The following TENM2 variants were observed in gnomAD, a reference collection of about 807,000 sequenced individuals.
TENM2 encodes teneurin-2.
A neutral mutation model predicts 245.2 loss-of-function variants in TENM2; 52 were observed. That is an observed-to-expected ratio of 0.21 (90% confidence interval 0.17 to 0.27). The LOEUF is 0.27. Ranked by LOEUF, TENM2 falls within the 10% of genes least tolerant of loss-of-function variation. TENM2 has a pLI of 1.00. For missense variants in TENM2, 3,046 were observed against 3,666.8 expected (o/e 0.83, Z 4.37); for synonymous variants, 1,363 against 1,438.9 (o/e 0.95, Z 1.19).
chr5:168,154,161 A>AAAC (rs1030847719), intron 12 of TENM2, among the ~76,000 whole-genome samples: 5 of 149,924 alleles, frequency 3.3e-5, no homozygotes, highest in East Asian at 1.9e-4. Flanking sequence ...AAAAAAAAAA[A>AAAC]AAAAACAGTA....
exon 25 of TENM2, chr5:168,228,130 G>C (rs745711777): frequency 6.4e-7 from 1 of 1,570,972 alleles, no homozygotes; most frequent in Admixed American, 1.8e-5. Context: ...GGAAGCTCCG[G>C]GTAAGTGGTT....
At chr5:167,553,030 TAA>T (rs1423316515) in intron 2 of TENM2, among the ~76,000 whole-genome samples, 1 of 152,180 alleles carries the variant, frequency 6.6e-6, no homozygotes, top group Non-Finnish European at 1.5e-5. Context: ...AGGCAACCAA[TAA>T]AGACATAATT....
intron 2 of TENM2, among the ~76,000 whole-genome samples, chr5:167,610,482 C>G (rs1777404655): frequency 6.6e-6 from 1 of 152,206 alleles, no homozygotes. Context: ...CTAGGGGCCC[C>G]CTATTCATCT....
chr5:168,161,632 G>A (rs914096589), intron 12 of TENM2, among the ~76,000 whole-genome samples: 5 of 152,088 alleles, frequency 3.3e-5, no homozygotes, highest in Non-Finnish European at 4.4e-5. Context: ...AAAGAGTCAC[G>A]GAGGCTCTGC....
intron 27 of TENM2, among the ~76,000 whole-genome samples, chr5:168,251,896 T>C (rs1767140311): frequency 6.6e-6 from 1 of 152,184 alleles, no homozygotes; most frequent in African/African-American, 2.4e-5. Flanking sequence ...GAGTACTGAC[T>C]GGGTAGGAGC....
intron 8 of TENM2, among the ~76,000 whole-genome samples, chr5:168,094,522 A>G (rs1172084929): frequency 1.3e-5 from 2 of 152,106 alleles, no homozygotes; most frequent in Admixed American, 6.6e-5. Flanking sequence ...TTTCATTTGT[A>G]CCCAGAAGTT....
At chr5:168,027,566 T>A (rs1490994323) in intron 5 of TENM2, among the ~76,000 whole-genome samples, 1 of 152,202 alleles carries the variant, frequency 6.6e-6, no homozygotes, top group African/African-American at 2.4e-5. Context: ...GGTGCCATGT[T>A]CTGGGCCATG....
At chr5:167,312,154 ATATT>A (rs1269064316) in intron 1 of TENM2, among the ~76,000 whole-genome samples, 6 of 152,244 alleles carry the variant, frequency 3.9e-5, no homozygotes, top group African/African-American at 1.4e-4. Context: ...TGTTAGATAT[ATATT>A]ATATAAATCA....
chr5:167,916,401 C>T (rs1039638164), intron 3 of TENM2, among the ~76,000 whole-genome samples: 3 of 152,048 alleles, frequency 2.0e-5, no homozygotes, highest in Admixed American at 6.5e-5. Flanking sequence ...AAATTTAAAT[C>T]AGATCGGTGA....
chr5:167,544,167 T>G (rs2127609201), intron 2 of TENM2, among the ~76,000 whole-genome samples: 1 of 152,270 alleles, frequency 6.6e-6, no homozygotes, highest in South Asian at 2.1e-4. Flanking sequence ...TCTACTCACC[T>G]CTGAAGTCAC....
intron 13 of TENM2, chr5:168,185,290 T>G (rs1324351448): frequency 1.3e-5 from 2 of 152,174 alleles, no homozygotes; most frequent in African/African-American, 4.8e-5. Flanking sequence ...ATATCCACCT[T>G]CTCCAAGCCT....
intron 2 of TENM2, among the ~76,000 whole-genome samples, chr5:167,765,234 C>T (rs1762933991): frequency 6.6e-6 from 1 of 152,166 alleles, no homozygotes; most frequent in Non-Finnish European, 1.5e-5. Flanking sequence ...ACATTATTGT[C>T]AATGTCAGAA....
At chr5:167,472,994 A>G (rs531466991) in intron 2 of TENM2, among the ~76,000 whole-genome samples, 1 of 152,182 alleles carries the variant, frequency 6.6e-6, no homozygotes, top group Non-Finnish European at 1.5e-5. Flanking sequence ...TGGGGTGGGA[A>G]TTGAAAAACT....
At chr5:167,337,884 G>T (rs979535538) in intron 1 of TENM2, among the ~76,000 whole-genome samples, 8 of 152,144 alleles carry the variant, frequency 5.3e-5, no homozygotes, top group African/African-American at 1.9e-4. Flanking sequence ...TTATAAATCA[G>T]TGAGATTAAT....
At chr5:168,214,950 C>A in intron 20 of TENM2, 90 bp from the exon 23 acceptor site, 1 of 1,000,266 alleles carries the variant, frequency 1.0e-6, no homozygotes. Flanking sequence ...AGAAGGTAAG[C>A]GTCTTGCTAG....
At chr5:168,127,613 G>T (rs1427690008) in intron 12 of TENM2, among the ~76,000 whole-genome samples, 2 of 152,102 alleles carry the variant, frequency 1.3e-5, no homozygotes, top group Non-Finnish European at 2.9e-5. Flanking sequence ...CTCTTTTTCG[G>T]CACAGTTGTG....
chr5:167,145,564 A>G, the TENM2 span, among the ~76,000 whole-genome samples: 72 of 152,340 alleles, frequency 4.7e-4, no homozygotes, highest in Middle Eastern at 3.4e-3. Context: ...TTCTTCCTTC[A>G]GTGGATTTCA....
the TENM2 span, among the ~76,000 whole-genome samples, chr5:167,240,979 C>A: frequency 3.9e-5 from 6 of 152,104 alleles, no homozygotes; most frequent in Admixed American, 3.3e-4. Context: ...TGTATCTTTT[C>A]TTTACATGTT....
chr5:167,931,369 C>T (rs367948386), intron 3 of TENM2, among the ~76,000 whole-genome samples: 5 of 152,102 alleles, frequency 3.3e-5, no homozygotes, highest in East Asian at 3.9e-4. Context: ...AAGATCATAT[C>T]GGGTTGGGAA....
Sources: gnomAD v4.1 joint callset for allele counts (sites outside exome capture counted in the v4.1 genomes callset) on GRCh38, gnomAD v4.1.1 for gene constraint, MANE v1.5 for transcripts, NCBI Gene and HGNC (gene_info 2026-07-23, HGNC 2026-07-21) for gene names.